Variants in BAG3 observed in about 807,000 individuals in gnomAD.
BAG3 encodes the protein BAG family molecular chaperone regulator 3.
A neutral mutation model predicts 40.5 loss-of-function variants in BAG3; 14 were observed. The observed-to-expected ratio is 0.35, with a 90% CI of 0.23 to 0.54. The LOEUF is 0.54. Among genes scored for constraint, BAG3 ranks in the 20% least tolerant of loss-of-function variants. The probability of loss-of-function intolerance (pLI) is 0.91; values close to 1 mark genes in which losing one functional copy is unlikely to be tolerated. For missense variants in BAG3, 788 were observed against 758.6 expected (o/e 1.04, Z -0.46); for synonymous variants, 302 against 307.8 (o/e 0.98, Z 0.20).
intron 1 of BAG3, among the ~76,000 whole-genome samples, chr10:119,665,140 A>ATTTT (rs1491344342): frequency 0.02 from 1,652 of 84,324 alleles, 83 homozygotes; most frequent in South Asian, 0.042. Context: ...ATATATATAT[A>ATTTT]TATATTTTTT....
intron 1 of BAG3, 63 bp from the exon 2 acceptor site, chr10:119,669,788 T>C (rs927663502): frequency 2.6e-5 from 39 of 1,513,898 alleles, no homozygotes; most frequent in Non-Finnish European, 3.2e-5. Flanking sequence ...CAGTGTTTCC[T>C]CTGCCAGGAG....
intron 1 of BAG3, among the ~76,000 whole-genome samples, chr10:119,664,462 A>T: frequency 6.6e-6 from 1 of 152,160 alleles, no homozygotes; most frequent in Non-Finnish European, 1.5e-5. Flanking sequence ...TCCTAATTGG[A>T]TTTTGTATAA....
intron 1 of BAG3, among the ~76,000 whole-genome samples, chr10:119,667,212 G>A (rs556055401): frequency 3.3e-5 from 5 of 152,200 alleles, no homozygotes; most frequent in South Asian, 4.2e-4. Context: ...CCTGACCTCA[G>A]GTGATCTGCC....
chr10:119,670,219 C>G (rs767868085), intron 2 of BAG3, 42 bp downstream of exon 2: 1 of 1,574,426 alleles, frequency 6.4e-7, no homozygotes. Flanking sequence ...GGGAGCAAGC[C>G]GCTGTGCTTC....
chr10:119,651,663 AC>A lies in BAG3; in HGVS notation c.-9del, dbSNP rs748924202. The A allele has an allele frequency of 1.3e-5, 20 of 1,554,768 alleles. No individual in the cohort carries two copies. The African/African-American group carries it at 2.3e-4, about 18-fold the overall frequency. ...CCCGCACCCGCGCCCCAGCGGGCAGACCCCAACCCAGCATGAGCGCCGCCAC... is the reference window on the plus strand; with the variant it reads ...CCCGCACCCGCGCCCCAGCGGGCAGACCCAACCCAGCATGAGCGCCGCCAC... On this transcript the variant is annotated 5_prime_UTR_variant, in exon 1 of 4. Coordinates refer to ENST00000369085, the MANE Select transcript of BAG3 (RefSeq NM_004281.4).
chr10:119,667,365 A>G (rs921633892), intron 1 of BAG3, among the ~76,000 whole-genome samples: 1 of 152,204 alleles, frequency 6.6e-6, no homozygotes, highest in Non-Finnish European at 1.5e-5. Flanking sequence ...ATTTATTGCC[A>G]GTCTTCCGGG....
intron 1 of BAG3, among the ~76,000 whole-genome samples, chr10:119,658,359 G>T (rs1846943677): frequency 6.6e-6 from 1 of 152,204 alleles, no homozygotes; most frequent in African/African-American, 2.4e-5. Flanking sequence ...GTCTTCCCCG[G>T]TTCTGACAGC....
intron 3 of BAG3, among the ~76,000 whole-genome samples, chr10:119,673,140 A>G (rs937102717): frequency 1.3e-5 from 2 of 152,118 alleles, no homozygotes; most frequent in African/African-American, 2.4e-5. Flanking sequence ...CGCACAGTAT[A>G]GGTTCTCCCT....
At position 119,672,192 on chromosome 10, in the gene BAG3, T is replaced by G. The variant is rs1847158782; in HGVS notation, c.508-63T>G. 1 of 1,599,604 alleles carries G rather than the reference T, an allele frequency of 6.3e-7. No homozygotes were observed. The highest frequency in any genetic ancestry group is 8.5e-7 in the Non-Finnish European group (1 of 1,174,658). ...AGGAGGTGCACAGCAGAAGGCGTGG[T>G]CAGGATGCCAAGCCAGGGGAGTCAT... On this transcript the variant is annotated intron_variant, in intron 2 of 3. Transcript: ENST00000369085. This position sits in a 1 kb window ranked among gnomAD's most constrained non-coding sequence, Gnocchi z 4.8.
chr10:119,663,453 C>T (rs1292952837), intron 1 of BAG3, among the ~76,000 whole-genome samples: 6 of 152,168 alleles, frequency 3.9e-5, no homozygotes, highest in Admixed American at 1.3e-4. Flanking sequence ...TGATGCCCAC[C>T]GCCACGGCCA....
chr10:119,653,485 C>T (rs188342322), intron 1 of BAG3, among the ~76,000 whole-genome samples: 128 of 152,306 alleles, frequency 8.4e-4, no homozygotes, highest in African/African-American at 3.0e-3. Context: ...ACTTTGTTCT[C>T]AGCATGAAAC....
intron 1 of BAG3, among the ~76,000 whole-genome samples, chr10:119,665,740 TTTAA>T (rs1274435742): frequency 6.6e-6 from 1 of 151,888 alleles, no homozygotes; most frequent in Non-Finnish European, 1.5e-5. Flanking sequence ...TGTAGAAGTG[TTTAA>T]TTGCCTATTT....
intron 1 of BAG3, among the ~76,000 whole-genome samples, chr10:119,668,394 T>C (rs1348036279): frequency 2.0e-5 from 3 of 152,250 alleles, no homozygotes; most frequent in Admixed American, 2.0e-4. Context: ...CCCTGCAAGC[T>C]CATAGATTGT....
chr10:119,676,321 G>C, intron 3 of BAG3, 143 bp from the exon 4 acceptor site: 2 of 806,370 alleles, frequency 2.5e-6, no homozygotes, highest in South Asian at 1.7e-5. Context: ...AACAGCCATT[G>C]ATTGACTTTG....
At chr10:119,662,750 C>T (rs1847010074) in intron 1 of BAG3, among the ~76,000 whole-genome samples, 1 of 152,120 alleles carries the variant, frequency 6.6e-6, no homozygotes, top group Non-Finnish European at 1.5e-5. Flanking sequence ...CGTGGTGGCT[C>T]ACGCCTGTAA....
At chr10:119,655,839 A>G (rs1846902272) in intron 1 of BAG3, among the ~76,000 whole-genome samples, 1 of 151,372 alleles carries the variant, frequency 6.6e-6, no homozygotes, top group Non-Finnish European at 1.5e-5. Flanking sequence ...CCCGTTTTGT[A>G]GGGTAGATTT....
intron 1 of BAG3, among the ~76,000 whole-genome samples, chr10:119,661,008 G>T (rs1018353882): frequency 1.3e-5 from 2 of 152,164 alleles, no homozygotes; most frequent in African/African-American, 4.8e-5. Context: ...CAGGAGAATC[G>T]CTTGAACCCG....
rs1554877071 is a variant in BAG3 at position 119,670,172 on chromosome 10, C to T, written c.502C>T (p.Pro168Ser). Reference sequence around the variant, plus strand: ...AGCCCAGCCCCCAGCCTCCCACGGACCTGAGGTAAGGAGAGGCCAGGCTCA... The same window carrying T: ...AGCCCAGCCCCCAGCCTCCCACGGATCTGAGGTAAGGAGAGGCCAGGCTCA... ...AAAQPPASHGPERSQSPAASD... is the reference protein window; with the variant it reads ...AAAQPPASHGSERSQSPAASD... Residue 168 changes from proline to serine, a missense_variant, in exon 2 of 4, where the codon CCT becomes TCT. Coordinates refer to ENST00000369085, the MANE Select transcript of BAG3 (RefSeq NM_004281.4). 1 of 1,608,592 alleles carries T rather than the reference C, an allele frequency of 6.2e-7. No individual in the cohort carries two copies. Among genetic ancestry groups the T allele is most frequent in the Non-Finnish European group, 8.5e-7 (1 of 1,178,962 alleles).
chr10:119,661,191 C>T (rs1299517939), intron 1 of BAG3, among the ~76,000 whole-genome samples: 4 of 152,080 alleles, frequency 2.6e-5, no homozygotes, highest in African/African-American at 4.8e-5. Context: ...ACTCGGGAGG[C>T]GGAGGTTGCA....
Sources: allele counts gnomAD v4.1 joint callset (sites outside exome capture counted in the v4.1 genomes callset), GRCh38; gene constraint gnomAD v4.1.1; non-coding constraint Gnocchi (gnomAD v3.1); transcripts MANE v1.5; gene names NCBI Gene and HGNC (gene_info 2026-07-23, HGNC 2026-07-21).